Variants in DOCK3 observed in about 807,000 individuals in gnomAD.
DOCK3 encodes the protein dedicator of cytokinesis 3.
In DOCK3, 60 loss-of-function variants were observed where a neutral mutation model predicts 265.6. The observed-to-expected ratio is 0.23, with a 90% CI of 0.18 to 0.28. The LOEUF is 0.28. Ranked by LOEUF, DOCK3 falls within the 10% of genes least tolerant of loss-of-function variation. DOCK3 has a pLI of 1.00. For missense variants in DOCK3, 1,981 were observed against 2,594.3 expected (o/e 0.76, Z 5.14); for synonymous variants, 881 against 938.0 (o/e 0.94, Z 1.11).
intron 27 of DOCK3, among the ~76,000 whole-genome samples, chr3:51,308,944 CG>C (rs1275082460): frequency 3.4e-5 from 5 of 148,396 alleles, no homozygotes; most frequent in Non-Finnish European, 7.5e-5. Context: ...ACCTCCCAGA[CG>C]GGGTCGCGGC....
chr3:51,313,164 A>AT (rs150096123), intron 31 of DOCK3, among the ~76,000 whole-genome samples: 2,097 of 152,324 alleles, frequency 0.014, 22 homozygotes, highest in Non-Finnish European at 0.023. Flanking sequence ...AAGAAAAAAA[A>AT]GAAAAGGAGG....
chr3:50,956,754 C>T (rs549813202), intron 5 of DOCK3, among the ~76,000 whole-genome samples: 1 of 152,262 alleles, frequency 6.6e-6, no homozygotes, highest in South Asian at 2.1e-4. Context: ...TCCAAGGTTT[C>T]CATTTTAAGA....
intron 33 of DOCK3, among the ~76,000 whole-genome samples, chr3:51,331,162 T>C (rs1048457869): frequency 1.3e-5 from 2 of 152,178 alleles, no homozygotes; most frequent in Non-Finnish European, 2.9e-5. Context: ...GCATGATCAG[T>C]AAGAGGCAGC....
chr3:50,804,042 C>T (rs892578813), intron 2 of DOCK3, among the ~76,000 whole-genome samples: 2 of 150,962 alleles, frequency 1.3e-5, no homozygotes, highest in Admixed American at 1.3e-4. Flanking sequence ...CGGGCAGAGA[C>T]ACTCCTTAGT....
At chr3:50,684,593 C>T (rs555733747) in intron 1 of DOCK3, among the ~76,000 whole-genome samples, 1 of 152,280 alleles carries the variant, frequency 6.6e-6, no homozygotes, top group Non-Finnish European at 1.5e-5. Flanking sequence ...TCTCTCTCAC[C>T]TACAGTTTCA....
intron 5 of DOCK3, among the ~76,000 whole-genome samples, chr3:50,974,897 A>T (rs1343950559): frequency 2.2e-4 from 26 of 120,298 alleles, no homozygotes; most frequent in Non-Finnish European, 4.3e-4. Flanking sequence ...ATTCTCTTTG[A>T]AGCAATTGTG....
At chr3:50,905,433 G>T (rs1410273217) in intron 4 of DOCK3, among the ~76,000 whole-genome samples, 1 of 151,772 alleles carries the variant, frequency 6.6e-6, no homozygotes, top group East Asian at 1.9e-4. Context: ...CCTTTTTTAT[G>T]TCGTTGAGCA....
chr3:50,868,916 T>G (rs1331430540), intron 3 of DOCK3, among the ~76,000 whole-genome samples: 3 of 148,510 alleles, frequency 2.0e-5, no homozygotes, highest in Non-Finnish European at 4.5e-5. Flanking sequence ...TTTTTTTTTT[T>G]TTTTTTTTTT....
chr3:50,749,163 GTTTTTCTAGGTATAGCT>G (rs968140980), intron 1 of DOCK3, among the ~76,000 whole-genome samples: 3 of 152,078 alleles, frequency 2.0e-5, no homozygotes, highest in African/African-American at 7.2e-5. Flanking sequence ...CCTCTTTATA[GTTTTTCTAGGTATAGCT>G]TTAACTTGTC....
chr3:51,116,550 G>C lies in DOCK3; in HGVS notation c.746+26166G>C, dbSNP rs2083752644. ...TAGCATTGAATCTATGAATTACTTT[G>C]AGTATTATGGCCATTTTCACGATAT... On this transcript the variant is annotated intron_variant, in intron 9 of 52. Coordinates refer to ENST00000266037, the MANE Select transcript of DOCK3 (RefSeq NM_004947.5). Among the ~76,000 whole-genome samples the C allele has an allele frequency of 2.0e-5, 3 of 149,826 alleles. No homozygotes were observed. The South Asian group carries it at 6.3e-4, about 32-fold the overall frequency.
intron 5 of DOCK3, among the ~76,000 whole-genome samples, chr3:51,053,357 G>A (rs1007771878): frequency 2.7e-5 from 4 of 150,278 alleles, no homozygotes; most frequent in African/African-American, 7.3e-5. Context: ...ATTAAGCTCC[G>A]AATGCTCTTG....
chr3:50,929,392 T>G (rs2050938491), intron 4 of DOCK3, among the ~76,000 whole-genome samples: 1 of 152,160 alleles, frequency 6.6e-6, no homozygotes, highest in South Asian at 2.1e-4. Context: ...TAAGGTCCAG[T>G]CTCCTTAGTC....
intron 35 of DOCK3, among the ~76,000 whole-genome samples, chr3:51,335,286 C>T (rs1386010292): frequency 6.6e-6 from 1 of 151,920 alleles, no homozygotes; most frequent in Non-Finnish European, 1.5e-5. Context: ...AGTACCACTG[C>T]TAGGATTTGA....
At chr3:51,323,788 A>G (rs899287656) in intron 32 of DOCK3, among the ~76,000 whole-genome samples, 22 of 152,368 alleles carry the variant, frequency 1.4e-4, no homozygotes, top group African/African-American at 4.8e-4. Context: ...GAGAAGCAAG[A>G]GCAAACAAAT....
chr3:50,689,514 A>T (rs1287112851), intron 1 of DOCK3, among the ~76,000 whole-genome samples: 2 of 152,192 alleles, frequency 1.3e-5, no homozygotes, highest in Non-Finnish European at 2.9e-5. Context: ...GAATGGCAGC[A>T]TGGGGGTAAC....
chr3:50,755,472 T>A (rs753597776), intron 1 of DOCK3, among the ~76,000 whole-genome samples: 31 of 152,224 alleles, frequency 2.0e-4, no homozygotes, highest in Non-Finnish European at 4.1e-4. Context: ...TGCAAGTGAC[T>A]TTTTGAGTAT....
chr3:50,680,796 G>A (rs1284741227), intron 1 of DOCK3, among the ~76,000 whole-genome samples: 1 of 151,700 alleles, frequency 6.6e-6, no homozygotes, highest in Non-Finnish European at 1.5e-5. Flanking sequence ...GAGCCACTGT[G>A]CCCAGCCTGT....
intron 9 of DOCK3, among the ~76,000 whole-genome samples, chr3:51,140,068 TTTG>T (rs1280914292): frequency 2.0e-5 from 3 of 152,164 alleles, no homozygotes; most frequent in Admixed American, 1.3e-4. Flanking sequence ...CACGAAAAAG[TTTG>T]TTGTTTGTTG....
At chr3:50,927,803 G>C (rs886250793) in intron 4 of DOCK3, among the ~76,000 whole-genome samples, 2 of 152,150 alleles carry the variant, frequency 1.3e-5, no homozygotes, top group Non-Finnish European at 2.9e-5. Flanking sequence ...GGAAGACAGT[G>C]TGTCTCTACA....
Sources: allele counts gnomAD v4.1 joint callset (sites outside exome capture counted in the v4.1 genomes callset), GRCh38; gene constraint gnomAD v4.1.1; transcripts MANE v1.5; gene names NCBI Gene and HGNC (gene_info 2026-07-23, HGNC 2026-07-21).